The following CNTN5 variants were observed in gnomAD, a reference collection of about 807,000 sequenced individuals.
CNTN5 encodes the protein contactin 5, also known as contactin-5.
A neutral mutation model predicts 129.1 loss-of-function variants in CNTN5; 77 were observed. The observed-to-expected ratio is 0.60, with a 90% CI of 0.50 to 0.72. The LOEUF (loss-of-function observed/expected upper bound fraction) is 0.72, where lower values mean the gene tolerates loss of function less well. Among genes scored for constraint, CNTN5 ranks in the 30% least tolerant of loss-of-function variants. The pLI is 0.00. For missense variants in CNTN5, 1,478 were observed against 1,328.8 expected (o/e 1.11, Z -1.75); for synonymous variants, 509 against 465.6 (o/e 1.09, Z -1.20).
chr11:99,944,129 C>A (rs1950505350), intron 7 of CNTN5, among the ~76,000 whole-genome samples: 1 of 151,646 alleles, frequency 6.6e-6, no homozygotes, highest in African/African-American at 2.4e-5. Context: ...TTACTTCAGG[C>A]AGTATGGTCA....
At chr11:99,375,509 C>T (rs1240509100) in intron 2 of CNTN5, among the ~76,000 whole-genome samples, 1 of 151,880 alleles carries the variant, frequency 6.6e-6, no homozygotes, top group Non-Finnish European at 1.5e-5. Flanking sequence ...TATTAAAGAA[C>T]AATAAATCAA....
In CNTN5 at chr11:100,061,155, A is replaced by G. The variant is rs931627383; in HGVS notation, c.981-57A>G. Reference sequence around the variant, plus strand: ...AAGTGCTTAAATTACCAGATAACAGAATCTATGTTCCTAACAGTGGAGAGT... The same window carrying G: ...AAGTGCTTAAATTACCAGATAACAGGATCTATGTTCCTAACAGTGGAGAGT... On this transcript the variant is annotated intron_variant, in intron 9 of 24. Transcript: ENST00000524871. The G allele has an allele frequency of 6.0e-5, 83 of 1,376,346 alleles. 1 individual carries two copies. The highest frequency in any genetic ancestry group is 2.9e-4 in the South Asian group (19 of 64,770). The allele number at this position is 1,376,346 out of a possible 1,614,324, so 85.3% of individuals were successfully genotyped here. A position where few individuals can be genotyped will look rare whatever the true frequency, so the allele number is the denominator to read the frequency against.
At chr11:100,302,360 C>T (rs1951242915) in intron 20 of CNTN5, among the ~76,000 whole-genome samples, 1 of 151,530 alleles carries the variant, frequency 6.6e-6, no homozygotes, top group South Asian at 2.1e-4. Context: ...TATACTCTTG[C>T]CCAAAGCCCA....
intron 3 of CNTN5, among the ~76,000 whole-genome samples, chr11:99,785,372 T>C (rs1354439087): frequency 6.6e-6 from 1 of 152,174 alleles, no homozygotes; most frequent in African/African-American, 2.4e-5. Context: ...CTGATGATAG[T>C]TTCTTTTGCT....
intron 1 of CNTN5, among the ~76,000 whole-genome samples, chr11:99,243,281 T>C (rs568050700): frequency 1.3e-5 from 2 of 152,162 alleles, no homozygotes; most frequent in East Asian, 3.9e-4. Flanking sequence ...TGACTTCTTT[T>C]GTCTTTTGCC....
intron 1 of CNTN5, among the ~76,000 whole-genome samples, chr11:99,152,358 C>G (rs1248706942): frequency 6.6e-6 from 1 of 152,070 alleles, no homozygotes; most frequent in African/African-American, 2.4e-5. Flanking sequence ...TCTTTGTTGT[C>G]TCCATTTAAA....
intron 1 of CNTN5, among the ~76,000 whole-genome samples, chr11:99,167,194 G>A (rs574640566): frequency 2.6e-5 from 4 of 151,082 alleles, no homozygotes; most frequent in East Asian, 1.9e-4. Flanking sequence ...CTTAACATTC[G>A]GATTTGGGTT....
At chr11:99,855,233 C>T (rs1046686897) in intron 6 of CNTN5, among the ~76,000 whole-genome samples, 2 of 151,974 alleles carry the variant, frequency 1.3e-5, no homozygotes, top group Non-Finnish European at 2.9e-5. Context: ...CTGTTGAGCC[C>T]GGGAGTACTA....
intron 13 of CNTN5, among the ~76,000 whole-genome samples, chr11:100,129,869 G>A (rs528588824): frequency 5.5e-4 from 83 of 151,726 alleles, no homozygotes; most frequent in African/African-American, 1.4e-3. Flanking sequence ...TATTAATCAG[G>A]TTAAAAAAAC....
chr11:100,000,695 A>G (rs1939807297), intron 8 of CNTN5, among the ~76,000 whole-genome samples: 1 of 152,198 alleles, frequency 6.6e-6, no homozygotes, highest in South Asian at 2.1e-4. Context: ...GCCCTAGTAG[A>G]GGTTCTCCAT....
chr11:99,364,284 C>A (rs957692966), intron 2 of CNTN5, among the ~76,000 whole-genome samples: 1 of 152,108 alleles, frequency 6.6e-6, no homozygotes, highest in Non-Finnish European at 1.5e-5. Context: ...TTAAGTATCA[C>A]AGTTCACTGC....
chr11:99,447,805 G>T (rs1463185092), intron 2 of CNTN5, among the ~76,000 whole-genome samples: 2 of 152,070 alleles, frequency 1.3e-5, no homozygotes, highest in African/African-American at 4.8e-5. Context: ...GGTTCCTGTA[G>T]TCCCAGCTAC....
At chr11:99,219,000 C>T (rs1860266600) in intron 1 of CNTN5, among the ~76,000 whole-genome samples, 2 of 151,966 alleles carry the variant, frequency 1.3e-5, no homozygotes, top group Non-Finnish European at 2.9e-5. Flanking sequence ...TACTGGTAAG[C>T]CCCTGGACTG....
chr11:99,633,048 T>A (rs1049751816), intron 3 of CNTN5, among the ~76,000 whole-genome samples: 1 of 152,138 alleles, frequency 6.6e-6, no homozygotes, highest in Non-Finnish European at 1.5e-5. Flanking sequence ...CATGAAGGAC[T>A]GTAAAAGTAT....
intron 2 of CNTN5, among the ~76,000 whole-genome samples, chr11:99,400,100 C>T (rs1313302021): frequency 6.6e-6 from 1 of 152,072 alleles, no homozygotes; most frequent in Non-Finnish European, 1.5e-5. Flanking sequence ...AATACTAGGC[C>T]TTATACATTC....
At chr11:99,830,357 C>T (rs1325590042) in intron 4 of CNTN5, among the ~76,000 whole-genome samples, 4 of 152,062 alleles carry the variant, frequency 2.6e-5, no homozygotes, top group Admixed American at 6.6e-5. Flanking sequence ...TGGATGATTC[C>T]TGCATTTACA....
At chr11:99,429,721 CA>C (rs1943282849) in intron 2 of CNTN5, among the ~76,000 whole-genome samples, 1 of 151,748 alleles carries the variant, frequency 6.6e-6, no homozygotes, top group Non-Finnish European at 1.5e-5. Context: ...CCTGGTTCTC[CA>C]AAAAGGAGAG....
At chr11:100,138,492 A>C (rs1946595368) in intron 13 of CNTN5, among the ~76,000 whole-genome samples, 1 of 152,068 alleles carries the variant, frequency 6.6e-6, no homozygotes. Context: ...TAAATGGGTA[A>C]ATGGAATAGA....
intron 8 of CNTN5, among the ~76,000 whole-genome samples, 180 bp downstream of exon 8, chr11:99,957,189 A>G (rs960113690): frequency 2.0e-5 from 3 of 152,196 alleles, no homozygotes; most frequent in Non-Finnish European, 2.9e-5. Context: ...AAGTTTAGAC[A>G]TAAGAAATTG....
Sources: gnomAD v4.1 joint callset for allele counts (sites outside exome capture counted in the v4.1 genomes callset) on GRCh38, gnomAD v4.1.1 for gene constraint, MANE v1.5 for transcripts, NCBI Gene and HGNC (gene_info 2026-07-23, HGNC 2026-07-21) for gene names.